The following MDGA2 variants were observed in gnomAD, a reference collection of about 807,000 sequenced individuals.
MDGA2 encodes MAM domain containing glycosylphosphatidylinositol anchor 2.
Under a neutral mutation model 117.8 loss-of-function variants are expected in MDGA2, and 40 were observed. That is an observed-to-expected ratio of 0.34 (90% CI 0.26 to 0.44). MDGA2 has a LOEUF of 0.44. MDGA2 is among the 20% of genes least tolerant of loss of function. MDGA2 has a pLI of 1.00. For synonymous variants in MDGA2, 452 were observed against 439.0 expected, an observed-to-expected ratio of 1.03 and a Z score of -0.37; for missense variants, 1,123 against 1,250.6, an observed-to-expected ratio of 0.90 and a Z score of 1.54.
intron 1 of MDGA2, among the ~76,000 whole-genome samples, chr14:47,320,387 A>T (rs1334354669): frequency 6.6e-6 from 1 of 152,102 alleles, no homozygotes; most frequent in Non-Finnish European, 1.5e-5. Flanking sequence ...TCAAAAACAA[A>T]AACAAAAACT....
intron 8 of MDGA2, among the ~76,000 whole-genome samples, chr14:46,961,748 T>C (rs943530877): frequency 6.6e-6 from 1 of 151,970 alleles, no homozygotes; most frequent in Non-Finnish European, 1.5e-5. Context: ...GTTCACGCCA[T>C]TCTCCTGCCT....
intron 1 of MDGA2, among the ~76,000 whole-genome samples, chr14:47,388,675 G>A (rs954393673): frequency 9.2e-5 from 14 of 152,276 alleles, no homozygotes; most frequent in Non-Finnish European, 1.9e-4. Flanking sequence ...TAGGGGTTTG[G>A]AGTGTGAGTT....
intron 1 of MDGA2, among the ~76,000 whole-genome samples, chr14:47,652,677 C>A (rs377510002): frequency 6.6e-6 from 1 of 152,022 alleles, no homozygotes; most frequent in African/African-American, 2.4e-5. Flanking sequence ...GCAAACCAGG[C>A]AAGTGGATAT....
At chr14:47,454,107 G>A (rs942345408) in intron 1 of MDGA2, among the ~76,000 whole-genome samples, 4 of 152,080 alleles carry the variant, frequency 2.6e-5, no homozygotes, top group African/African-American at 4.8e-5. Context: ...TTGTGAAAAC[G>A]GCCCCCAATA....
chr14:47,177,554 A>T (rs1041837524), intron 3 of MDGA2, among the ~76,000 whole-genome samples: 1 of 152,186 alleles, frequency 6.6e-6, no homozygotes, highest in Non-Finnish European at 1.5e-5. Flanking sequence ...TGCAAGGACA[A>T]AAATCAAACA....
chr14:47,588,678 G>T (rs1896378963), intron 1 of MDGA2, among the ~76,000 whole-genome samples: 1 of 151,722 alleles, frequency 6.6e-6, no homozygotes, highest in Non-Finnish European at 1.5e-5. Context: ...TTTTGAAGTT[G>T]TCCTTTCACT....
intron 1 of MDGA2, among the ~76,000 whole-genome samples, chr14:47,629,562 T>C (rs1897216043): frequency 6.6e-6 from 1 of 152,180 alleles, no homozygotes; most frequent in South Asian, 2.1e-4. Flanking sequence ...TACTGGAGAA[T>C]GAAGTTGTAA....
At chr14:46,935,623 C>T (rs1884750687) in intron 9 of MDGA2, among the ~76,000 whole-genome samples, 1 of 152,172 alleles carries the variant, frequency 6.6e-6, no homozygotes. Context: ...CATGTAATCA[C>T]AAAGCCACTT....
At chr14:46,982,734 A>AAAAAATAAT (rs1449356596) in intron 8 of MDGA2, among the ~76,000 whole-genome samples, 3 of 130,406 alleles carry the variant, frequency 2.3e-5, no homozygotes, top group South Asian at 2.3e-4. Flanking sequence ...AAAAAAAAAA[A>AAAAAATAAT]AATCATGTCA....
chr14:47,639,157 TCACC>T (rs1412720710), intron 1 of MDGA2, among the ~76,000 whole-genome samples: 2 of 152,330 alleles, frequency 1.3e-5, no homozygotes, highest in African/African-American at 4.8e-5. Flanking sequence ...ATAGCACTTA[TCACC>T]ACCTGATATG....
chr14:47,186,635 C>CTATTCAAATTTGTATTCCTAATACAA, intron 3 of MDGA2, among the ~76,000 whole-genome samples: 1 of 152,000 alleles, frequency 6.6e-6, no homozygotes, highest in African/African-American at 2.4e-5. Context: ...GTCAAGATTC[C>CTATTCAAATTTGTATTCCTAATACAA]ATAGCTATTA....
chr14:47,257,431 A>G (rs1461567181), intron 2 of MDGA2, among the ~76,000 whole-genome samples: 1 of 152,062 alleles, frequency 6.6e-6, no homozygotes, highest in Non-Finnish European at 1.5e-5. Context: ...CTAAACATTT[A>G]ATTGGATCTT....
chr14:47,674,613 C>T lies in MDGA2; in HGVS notation c.184G>A (p.Gly62Arg). 1 of 1,548,304 alleles carries T rather than the reference C, an allele frequency of 6.5e-7. No homozygotes were observed. Among genetic ancestry groups the T allele is most frequent in the East Asian group, 2.5e-5 (1 of 40,786 alleles). The change falls in exon 1 of 17, where the codon GGA becomes AGA. Residue 62 changes from glycine to arginine, a missense_variant. Gly to Arg is a moderately radical substitution (Grantham distance 125). Around this residue, in one of 2 missense-constraint regions of MDGA2, gnomAD observed 233 missense variants for 200.3 expected, o/e 1.16. Coordinates refer to ENST00000399232, the MANE Select transcript of MDGA2 (RefSeq NM_001113498.3). The part of the protein sequence containing the change: ...LKVPLRTPWA[G>R]YVHVHVKMDL... ...ATCTTCACGTGAACATGAACATATC[C>T]AGCCCAGGGGGTACGCAACGGGACC...
intron 1 of MDGA2, among the ~76,000 whole-genome samples, chr14:47,439,418 A>G (rs529502648): frequency 1.3e-5 from 2 of 152,246 alleles, no homozygotes; most frequent in South Asian, 4.1e-4. Flanking sequence ...AAATGTGCAT[A>G]GCAATCAGTA....
chr14:47,283,205 A>G (rs1888560141), intron 2 of MDGA2, among the ~76,000 whole-genome samples: 1 of 152,178 alleles, frequency 6.6e-6, no homozygotes, highest in Admixed American at 6.5e-5. Flanking sequence ...AGAGGAAAAC[A>G]TATTGAGGGA....
At chr14:47,188,041 C>T (rs1884975349) in intron 3 of MDGA2, among the ~76,000 whole-genome samples, 1 of 151,914 alleles carries the variant, frequency 6.6e-6, no homozygotes, top group South Asian at 2.1e-4. Flanking sequence ...AAGATATTTT[C>T]CCATTAGAGA....
intron 5 of MDGA2, among the ~76,000 whole-genome samples, chr14:47,119,190 C>CCCCTG (rs1555355042): frequency 4.0e-5 from 3 of 74,640 alleles, no homozygotes; most frequent in African/African-American, 4.6e-5. Context: ...CCCCCCCCAC[C>CCCCTG]CCGTAGCTGG....
intron 1 of MDGA2, among the ~76,000 whole-genome samples, chr14:47,550,880 T>C (rs1566510664): frequency 6.6e-6 from 1 of 152,192 alleles, no homozygotes; most frequent in Non-Finnish European, 1.5e-5. Context: ...CCTTGTTTAA[T>C]TTAAAGAGCA....
chr14:47,203,229 T>C (rs1424004873), intron 3 of MDGA2, among the ~76,000 whole-genome samples: 1 of 151,862 alleles, frequency 6.6e-6, no homozygotes, highest in Non-Finnish European at 1.5e-5. Flanking sequence ...TCTTTAAAAA[T>C]ACATTTATAG....
Sources: allele counts gnomAD v4.1 joint callset (sites outside exome capture counted in the v4.1 genomes callset), GRCh38; gene constraint gnomAD v4.1.1; regional missense constraint gnomAD v4.1.1; transcripts MANE v1.5; gene names NCBI Gene and HGNC (gene_info 2026-07-23, HGNC 2026-07-21).